The following TLL1 variants were observed in gnomAD, a reference collection of about 807,000 sequenced individuals.
TLL1 encodes tolloid like 1.
TLL1 carries 49 observed loss-of-function variants against 128.2 expected under a neutral mutation model. That is an observed-to-expected ratio of 0.38 (90% CI 0.30 to 0.48). The LOEUF is 0.48. Ranked by LOEUF, TLL1 falls within the 20% of genes least tolerant of loss-of-function variation. TLL1 has a pLI of 0.96. For synonymous variants in TLL1, 454 were observed against 418.8 expected (o/e 1.08, Z -1.03); for missense variants, 1,123 against 1,242.0 (o/e 0.90, Z 1.44).
chr4:165,959,296 C>T (rs1254295799), intron 1 of TLL1, among the ~76,000 whole-genome samples: 2 of 152,032 alleles, frequency 1.3e-5, no homozygotes, highest in African/African-American at 4.8e-5. Context: ...TATAAATTAC[C>T]TTGGGCAGTA....
chr4:166,040,170 C>G (rs1379860991), intron 10 of TLL1, among the ~76,000 whole-genome samples: 1 of 152,122 alleles, frequency 6.6e-6, no homozygotes, highest in African/African-American at 2.4e-5. Context: ...TTTTTCTTTA[C>G]TTTTAGAAGT....
At chr4:165,931,612 G>A (rs1221972352) in intron 1 of TLL1, among the ~76,000 whole-genome samples, 2 of 151,672 alleles carry the variant, frequency 1.3e-5, no homozygotes, top group East Asian at 3.9e-4. Flanking sequence ...CCAGCTACTT[G>A]GGAGGCTGAG....
intron 1 of TLL1, among the ~76,000 whole-genome samples, chr4:165,932,071 A>C (rs533520544): frequency 1.3e-5 from 2 of 152,100 alleles, no homozygotes; most frequent in Non-Finnish European, 2.9e-5. Flanking sequence ...TTCTTCGCCT[A>C]CTCTGGAATT....
At chr4:165,936,087 T>C (rs1165347929) in intron 1 of TLL1, among the ~76,000 whole-genome samples, 1 of 151,508 alleles carries the variant, frequency 6.6e-6, no homozygotes, top group Non-Finnish European at 1.5e-5. Flanking sequence ...CCTTGAGAGT[T>C]GAAAAATGAT....
chr4:166,077,942 T>C lies in TLL1; in HGVS notation c.2354T>C (p.Ile785Thr), dbSNP rs1741111475. The C allele has an allele frequency of 6.2e-7, 1 of 1,613,490 alleles. No homozygotes were observed. Among genetic ancestry groups the C allele is most frequent in the Non-Finnish European group, 8.5e-7 (1 of 1,179,758 alleles). ...EQKIHSPSGLITSPNWPDKYP... is the reference protein window; with the variant it reads ...EQKIHSPSGLTTSPNWPDKYP... ...AAGATCCACAGTCCAAGTGGCCTCA[T>C]CACCAGTCCCAACTGGCCAGACAAG... is the stretch of plus-strand genomic sequence containing the variant. The change falls in exon 18 of 21, where the codon ATC becomes ACC. Residue 785 changes from isoleucine to threonine, a missense_variant. Transcript: ENST00000061240.
chr4:166,004,595 G>A (rs1212299255), intron 6 of TLL1, among the ~76,000 whole-genome samples: 1 of 152,096 alleles, frequency 6.6e-6, no homozygotes, highest in African/African-American at 2.4e-5. Flanking sequence ...GTGAGTCAAG[G>A]GAGTTGTAAA....
At chr4:166,076,052 T>G (rs1357014750) in intron 17 of TLL1, among the ~76,000 whole-genome samples, 2 of 152,078 alleles carry the variant, frequency 1.3e-5, no homozygotes, top group Non-Finnish European at 2.9e-5. Flanking sequence ...AGGCCCAGGT[T>G]TTTGTGGGTT....
chr4:166,065,411 G>C (rs1278759347), intron 15 of TLL1, among the ~76,000 whole-genome samples: 2 of 151,962 alleles, frequency 1.3e-5, no homozygotes, highest in African/African-American at 4.8e-5. Flanking sequence ...TGCCATGTAT[G>C]ACAAGTATCA....
chr4:166,032,152 A>G (rs1225605464), intron 9 of TLL1, among the ~76,000 whole-genome samples: 1 of 152,100 alleles, frequency 6.6e-6, no homozygotes, highest in Admixed American at 6.5e-5. Flanking sequence ...ATATTCAAAT[A>G]AAAACAAATA....
intron 1 of TLL1, among the ~76,000 whole-genome samples, chr4:165,941,863 A>G (rs1734028248): frequency 6.6e-6 from 1 of 152,000 alleles, no homozygotes; most frequent in African/African-American, 2.4e-5. Flanking sequence ...CTTCAGTCTG[A>G]TTTTAGGTCT....
chr4:166,042,204 C>T (rs1739269998), intron 11 of TLL1, 61 bp downstream of exon 11: 1 of 1,124,144 alleles, frequency 8.9e-7, no homozygotes, highest in African/African-American at 1.5e-5. Flanking sequence ...ATGTTCGTTT[C>T]TTAATTTCAT....
At chr4:165,963,054 CAAAAAAAAAAAAAAAA>C (rs869191830) in intron 1 of TLL1, among the ~76,000 whole-genome samples, 1 of 18,336 alleles carries the variant, frequency 5.5e-5, no homozygotes, top group Non-Finnish European at 1.2e-4. Flanking sequence ...GGCTCTGTCT[CAAAAAAAAAAAAAAAA>C]AAAAAAAAAA....
At chr4:166,083,158 T>C (rs1239717548) in intron 18 of TLL1, among the ~76,000 whole-genome samples, 1 of 126,834 alleles carries the variant, frequency 7.9e-6, no homozygotes, top group Non-Finnish European at 1.9e-5. Flanking sequence ...TCCCTATGTA[T>C]ACAGTGGAAC....
chr4:165,936,830 G>T (rs1056276348), intron 1 of TLL1, among the ~76,000 whole-genome samples: 2 of 152,116 alleles, frequency 1.3e-5, no homozygotes, highest in Middle Eastern at 3.2e-3. Context: ...CTACTCGGGA[G>T]GCTGAAGCAG....
intron 1 of TLL1, among the ~76,000 whole-genome samples, chr4:165,929,404 T>C (rs886173097): frequency 1.3e-5 from 2 of 152,104 alleles, no homozygotes; most frequent in African/African-American, 2.4e-5. Context: ...CCGGGTGTGG[T>C]GGCACATGCC....
Position 166,100,984 on chromosome 4 carries a change from C to CA in TLL1, c.*114dup, listed in dbSNP as rs964661245. On this transcript the variant is annotated 3_prime_UTR_variant, in exon 21 of 21. Coordinates refer to ENST00000061240, the MANE Select transcript of TLL1 (RefSeq NM_012464.5). ...AAATGTTTTATACAAAGAGTTTGAA[C>CA]AAAAAATCCCTGTAAGACCAGAATT... 3.2e-5 allele frequency: 44 copies of CA among 1,396,794 alleles called. No individual in the cohort carries two copies. The highest frequency in any genetic ancestry group is 3.1e-4 in the South Asian group (24 of 77,788). The allele number at this position is 1,396,794 out of a possible 1,614,324, so 86.5% of individuals were successfully genotyped here.
chr4:165,895,916 G>T (rs1400568420), intron 1 of TLL1, among the ~76,000 whole-genome samples: 3 of 151,984 alleles, frequency 2.0e-5, no homozygotes, highest in African/African-American at 7.3e-5. Context: ...AAGACAATTT[G>T]GCAGAGAAAG....
chr4:165,919,382 CAAAAAAAAA>C (rs1163238067), intron 1 of TLL1, among the ~76,000 whole-genome samples: 1 of 75,254 alleles, frequency 1.3e-5, no homozygotes, highest in Non-Finnish European at 2.9e-5. Context: ...GACCCTGCTT[CAAAAAAAAA>C]AAAAAAAAAG....
At chr4:165,955,780 T>G (rs945176748) in intron 1 of TLL1, among the ~76,000 whole-genome samples, 11 of 152,140 alleles carry the variant, frequency 7.2e-5, no homozygotes, top group African/African-American at 2.4e-4. Context: ...CAAGAGGTCT[T>G]TAAAGGAGTT....
Sources: allele counts gnomAD v4.1 joint callset (sites outside exome capture counted in the v4.1 genomes callset), GRCh38; gene constraint gnomAD v4.1.1; transcripts MANE v1.5; gene names NCBI Gene and HGNC (gene_info 2026-07-23, HGNC 2026-07-21).